INPPL1: variants seen among roughly 807,000 people sequenced by gnomAD.
INPPL1 encodes phosphatidylinositol 3,4,5-trisphosphate 5-phosphatase 2.
In INPPL1, 91 loss-of-function variants were observed where a neutral mutation model predicts 139.3. The ratio of observed to expected loss-of-function variants is 0.65; its 90% CI spans 0.55 to 0.78. The LOEUF (loss-of-function observed/expected upper bound fraction) is 0.78, where lower values mean the gene tolerates loss of function less well. Among genes scored for constraint, INPPL1 ranks in the 30% least tolerant of loss-of-function variants. INPPL1 has a pLI of 0.00. For missense variants in INPPL1, 1,411 were observed against 1,665.6 expected (o/e 0.85, Z 2.66); for synonymous variants, 719 against 686.6 (o/e 1.05, Z -0.74).
intron 1 of INPPL1, among the ~76,000 whole-genome samples, chr11:72,225,861 C>T (rs1948657075): frequency 6.6e-6 from 1 of 152,144 alleles, no homozygotes; most frequent in Non-Finnish European, 1.5e-5. Context: ...CTGAGTGGGC[C>T]AGGTCCTGTG....
In INPPL1 at chr11:72,232,915, T is replaced by C. The variant is rs1948876121; in HGVS notation, c.1892T>C (p.Leu631Pro). The C allele has an allele frequency of 6.2e-7, 1 of 1,613,926 alleles. No individual in the cohort carries two copies. Among genetic ancestry groups the C allele is most frequent in the Non-Finnish European group, 8.5e-7 (1 of 1,179,986 alleles). ...ATCAGCAGGAAAGAGTTTGAGCCCC[T>C]CCTCAGGGTGGACCAGCTCAACCTG... ...NYISRKEFEP[L>P]LRVDQLNLER... Residue 631 changes from leucine to proline, a missense_variant, in exon 16 of 28, where the codon CTC becomes CCC. Coordinates refer to ENST00000298229, the MANE Select transcript of INPPL1 (RefSeq NM_001567.4).
At chr11:72,236,228 ATTGTTT>A (rs1948987448) in intron 25 of INPPL1, among the ~76,000 whole-genome samples, 1 of 152,138 alleles carries the variant, frequency 6.6e-6, no homozygotes, top group Admixed American at 6.5e-5. Flanking sequence ...GGAATGCGAA[ATTGTTT>A]CTAAGACAGC....
Position 72,231,583 on chromosome 11 carries a change from C to G in INPPL1, c.1583C>G (p.Ser528Cys). Reference sequence around the variant, plus strand: ...AACCGTATCAGCCATGTCAGTACGTCCAGTGTGAAGACTGGCATCGCCAAC... The same window carrying G: ...AACCGTATCAGCCATGTCAGTACGTGCAGTGTGAAGACTGGCATCGCCAAC... ...HENRISHVST[S>C]SVKTGIANTL... Residue 528 changes from serine to cysteine, a missense_variant, in exon 13 of 28, where the codon TCC becomes TGC. Coordinates refer to ENST00000298229, the MANE Select transcript of INPPL1 (RefSeq NM_001567.4). 6.2e-7 allele frequency: 1 copy of G among 1,613,830 alleles called. No homozygotes were observed. Among genetic ancestry groups the G allele is most frequent in the Non-Finnish European group, 8.5e-7 (1 of 1,179,998 alleles).
At chr11:72,226,129 T>C (rs1015319161) in intron 1 of INPPL1, among the ~76,000 whole-genome samples, 3 of 151,372 alleles carry the variant, frequency 2.0e-5, no homozygotes, top group African/African-American at 7.3e-5. Context: ...CCCTTTGTTC[T>C]CCTGACATCT....
rs1209734082 is a variant in INPPL1, at chr11:72,237,445, C to G, written c.3201C>G (p.Pro1067=). The change falls in exon 26 of 28, where the codon CCC becomes CCG. Residue 1067 remains proline, a synonymous_variant. Coordinates refer to ENST00000298229, the MANE Select transcript of INPPL1 (RefSeq NM_001567.4). The part of the protein sequence containing the change: ...PLPDSAIFLP[P]SLDPLPGPVV... ...CGGACTCAGCCATCTTCCTGCCCCCCAGCCTGGATCCTTTACCAGGGCCAG... is the reference window on the plus strand; with the variant it reads ...CGGACTCAGCCATCTTCCTGCCCCCGAGCCTGGATCCTTTACCAGGGCCAG... The G allele has an allele frequency of 1.2e-6, 2 of 1,610,188 alleles. No individual in the cohort carries two copies. Among genetic ancestry groups the G allele is most frequent in the Non-Finnish European group, 8.5e-7 (1 of 1,177,538 alleles).
chr11:72,238,458 C>CTGCCTATTTATTGGGG lies in INPPL1; in HGVS notation c.*122_*137dup. The CTGCCTATTTATTGGGG allele has an allele frequency of 1.1e-6, 1 of 900,632 alleles. No individual in the cohort carries two copies. Among genetic ancestry groups the CTGCCTATTTATTGGGG allele is most frequent in the South Asian group, 2.1e-5 (1 of 46,834 alleles). 55.8% of individuals were successfully genotyped at this position (900,632 alleles called of 1,614,324 possible). A position where few individuals can be genotyped will look rare whatever the true frequency, so the allele number is the denominator to read the frequency against. On this transcript the variant is annotated 3_prime_UTR_variant, in exon 28 of 28. Transcript: ENST00000298229. ...TTATGAGGGTCAGGGCAGTATCTCT[C>CTGCCTATTTATTGGGG]TGCCTATTTATTGGGGTGCCTATTT...
intron 7 of INPPL1, 85 bp downstream of exon 7, chr11:72,229,837 T>G (rs527470737): frequency 6.4e-7 from 1 of 1,559,298 alleles, no homozygotes; most frequent in African/African-American, 1.4e-5. Context: ...GTCTACAACT[T>G]AACATTGGCC....
chr11:72,237,756 C>T lies in INPPL1; in HGVS notation c.3512C>T (p.Pro1171Leu). ...DYGRPLSFPP[P>L]RIRESIQEDL... ...GGCCGGCCCCTCAGCTTCCCTCCAC[C>T]CCGCATCCGGGAGAGCATCCAGGAA... Residue 1171 changes from proline (P) to leucine (L), a missense_variant, in exon 26 of 28, where the codon CCC (proline) becomes CTC (leucine). Physicochemically the swap from Pro to Leu is moderately conservative, Grantham distance 98. Coordinates refer to ENST00000298229, the MANE Select transcript of INPPL1 (RefSeq NM_001567.4). The T allele has an allele frequency of 6.2e-7, 1 of 1,610,942 alleles. No homozygotes were observed. The highest frequency in any genetic ancestry group is 8.5e-7 in the Non-Finnish European group (1 of 1,179,166).
rs1363546992 is a variant in INPPL1 at position 72,224,934 on chromosome 11, G to A, written c.-51G>A. 6 of 1,040,046 alleles carry A rather than the reference G, an allele frequency of 5.8e-6. No homozygotes were observed. The highest frequency in any genetic ancestry group is 1.2e-6 in the Non-Finnish European group (1 of 865,610). The allele number at this position is 1,040,046 out of a possible 1,614,324, so 64.4% of individuals were successfully genotyped here. On this transcript the variant is annotated 5_prime_UTR_variant, in exon 1 of 28. Coordinates refer to ENST00000298229, the MANE Select transcript of INPPL1 (RefSeq NM_001567.4). ...CAGCCTCAGCCCTGAGCGTCTCGGG[G>A]CGGATGGCGCGGGGCGGCGGGGGCG...
chr11:72,229,446 G>A lies in INPPL1; in HGVS notation c.660-19G>A. 2.5e-6 allele frequency: 4 copies of A among 1,611,760 alleles called. No individual in the cohort carries two copies. The South Asian group carries it at 4.4e-5, about 18-fold the overall frequency. Reference sequence around the variant, plus strand: ...CTTAGGTCGGGGTGGGAGTTCTTTTGATCTGATGTCTTCCCTAGTGAGGTG... The same window carrying A: ...CTTAGGTCGGGGTGGGAGTTCTTTTAATCTGATGTCTTCCCTAGTGAGGTG... On this transcript the variant is annotated intron_variant, in intron 5 of 27. Coordinates refer to ENST00000298229, the MANE Select transcript of INPPL1 (RefSeq NM_001567.4).
In INPPL1 at chr11:72,229,741, A is replaced by T; in HGVS notation, c.832A>T (p.Ile278Phe). The T allele has an allele frequency of 6.2e-7, 1 of 1,613,912 alleles. No homozygotes were observed. ...AGTGCTAAAGGACTTCCTGTCAGGC[A>T]TCCAGAAGAAGGTGGCATGATCTCT... Reference protein sequence around the residue: ...LSVLKDFLSGIQKKALKALQD... With the variant: ...LSVLKDFLSGFQKKALKALQD... The change falls in exon 7 of 28, where the codon ATC (isoleucine) becomes TTC (phenylalanine). Residue 278 changes from isoleucine (I) to phenylalanine (F), a missense_variant. By Grantham distance (21) the Ile-to-Phe change is conservative (BLOSUM62 0). Transcript: ENST00000298229.
upstream of INPPL1, among the ~76,000 whole-genome samples, chr11:72,224,168 C>T (rs1420622630): frequency 2.0e-5 from 3 of 152,082 alleles, no homozygotes; most frequent in Non-Finnish European, 2.9e-5. Flanking sequence ...CGCACCTCGT[C>T]TGGGCCCCCC....
chr11:72,232,513 C>G, intron 14 of INPPL1, 113 bp from the exon 15 acceptor site: 1 of 1,397,272 alleles, frequency 7.2e-7, no homozygotes, highest in Non-Finnish European at 9.9e-7. Flanking sequence ...CCCAGGGGCC[C>G]GGATCTTTAC....
rs1465864054 is a variant in INPPL1, at chr11:72,235,233, G to A, written c.2503+30G>A. On this transcript the variant is annotated intron_variant, in intron 22 of 27. Coordinates refer to ENST00000298229, the MANE Select transcript of INPPL1 (RefSeq NM_001567.4). The surrounding 1 kb of genome is among the most constrained non-coding windows in gnomAD (Gnocchi z 4.9). ...GGGGTGAGGGGTGCTGAGGGGAACAGGAAGCCAGACAGGGCCCTAGATTAG... is the reference window on the plus strand; with the variant it reads ...GGGGTGAGGGGTGCTGAGGGGAACAAGAAGCCAGACAGGGCCCTAGATTAG... The A allele has an allele frequency of 4.3e-6, 7 of 1,613,874 alleles. No individual in the cohort carries two copies. The highest frequency in any genetic ancestry group is 5.9e-6 in the Non-Finnish European group (7 of 1,179,924).
Position 72,234,469 on chromosome 11 carries a change from A to G in INPPL1, c.2327-58A>G, listed in dbSNP as rs1235259815. The stretch of plus-strand genomic sequence containing the variant: ...AGAGGGTGCAGTCAGCCCCCTACTT[A>G]GGGGGAAAGGAAGCTGAGAGGTGGT... On this transcript the variant is annotated intron_variant, in intron 20 of 27. Coordinates refer to ENST00000298229, the MANE Select transcript of INPPL1 (RefSeq NM_001567.4). This position sits in a 1 kb window ranked among gnomAD's most constrained non-coding sequence, Gnocchi z 4.2. 2.6e-5 allele frequency: 41 copies of G among 1,589,552 alleles called. No homozygotes were observed. Among genetic ancestry groups the G allele is most frequent in the Middle Eastern group, 3.3e-4 (2 of 6,050 alleles).
Position 72,230,914 on chromosome 11 carries a change from G to A in INPPL1, c.1300+16G>A. 6.2e-7 allele frequency: 1 copy of A among 1,613,754 alleles called. No individual in the cohort carries two copies. The highest frequency in any genetic ancestry group is 8.5e-7 in the Non-Finnish European group (1 of 1,179,756). ...TGGAACATGGGTCAGGCCCGGGCTGGGGCTGGGGCGGGAGAGAGGGATGGC... is the reference window on the plus strand; with the variant it reads ...TGGAACATGGGTCAGGCCCGGGCTGAGGCTGGGGCGGGAGAGAGGGATGGC... On this transcript the variant is annotated intron_variant, in intron 11 of 27. Transcript: ENST00000298229.
Position 72,235,385 on chromosome 11 carries a change from A to G in INPPL1, c.2593A>G (p.Asn865Asp), listed in dbSNP as rs764768551. 6.2e-7 allele frequency: 1 copy of G among 1,614,040 alleles called. No homozygotes were observed. Among genetic ancestry groups the G allele is most frequent in the South Asian group, 1.1e-5 (1 of 91,076 alleles). The change falls in exon 23 of 28, where the codon AAT (asparagine) becomes GAT (aspartate). Residue 865 changes from asparagine (N) to aspartate (D), a missense_variant. Around this residue, in one of 5 missense-constraint regions of INPPL1, gnomAD observed 99 missense variants for 171.6 expected, o/e 0.58. Coordinates refer to ENST00000298229, the MANE Select transcript of INPPL1 (RefSeq NM_001567.4). The surrounding 1 kb of genome is among the most constrained non-coding windows in gnomAD (Gnocchi z 4.9). The stretch of plus-strand genomic sequence containing the variant: ...ATCCCACCGTGGCGAGGAGACAGGC[A>G]ATATCAGAGGCTCCATGAAGGTGCG... The part of the protein sequence containing the change: ...FLSHRGEETG[N>D]IRGSMKVRVP...
In INPPL1 at chr11:72,238,762, C is replaced by G. The variant is rs1242236930; in HGVS notation, c.*409C>G. ...GAGGAGCTCCGCTAAGACCTCCCCACCCCCGCTGGGGGTGGGGGCGGGTGT... is the reference window on the plus strand; with the variant it reads ...GAGGAGCTCCGCTAAGACCTCCCCAGCCCCGCTGGGGGTGGGGGCGGGTGT... On this transcript the variant is annotated 3_prime_UTR_variant, in exon 28 of 28. Transcript: ENST00000298229. The G allele has an allele frequency of 1.3e-5, 2 of 155,806 alleles. No homozygotes were observed. The highest frequency in any genetic ancestry group is 2.8e-5 in the Non-Finnish European group (2 of 70,314). The allele number at this position is 155,806 out of a possible 1,614,324, so 9.7% of individuals were successfully genotyped here. A position where few individuals can be genotyped will look rare whatever the true frequency, so the allele number is the denominator to read the frequency against.
chr11:72,230,638 A>G, intron 10 of INPPL1, 158 bp from the exon 11 acceptor site: 1 of 841,490 alleles, frequency 1.2e-6, no homozygotes, highest in South Asian at 1.6e-5. Flanking sequence ...GAGGGTGGAT[A>G]ACATTTGCCA....
Sources: gnomAD v4.1 joint callset for allele counts (sites outside exome capture counted in the v4.1 genomes callset) on GRCh38, gnomAD v4.1.1 for gene constraint, gnomAD v4.1.1 regional missense constraint, Gnocchi (gnomAD v3.1) non-coding constraint, MANE v1.5 for transcripts, NCBI Gene and HGNC (gene_info 2026-07-23, HGNC 2026-07-21) for gene names.